PTPN14: variants seen among roughly 807,000 people sequenced by gnomAD.
PTPN14 encodes tyrosine-protein phosphatase non-receptor type 14.
In PTPN14, 53 loss-of-function variants were observed where a neutral mutation model predicts 126.8. The observed-to-expected ratio is 0.42, with a 90% CI of 0.34 to 0.53. The LOEUF is 0.53. Among genes scored for constraint, PTPN14 ranks in the 20% least tolerant of loss-of-function variants. The pLI is 0.08. For synonymous variants in PTPN14, 630 were observed against 599.3 expected (o/e 1.05, Z -0.75); for missense variants, 1,257 against 1,552.9 (o/e 0.81, Z 3.20).
chr1:214,404,566 T>C (rs963503303), intron 5 of PTPN14, among the ~76,000 whole-genome samples: 3 of 152,172 alleles, frequency 2.0e-5, no homozygotes, highest in Non-Finnish European at 2.9e-5. Context: ...AGTGTTCCAT[T>C]AAATCTCCGT....
At chr1:214,406,975 T>C (rs1553263305) in intron 5 of PTPN14, among the ~76,000 whole-genome samples, 1 of 152,138 alleles carries the variant, frequency 6.6e-6, no homozygotes, top group Non-Finnish European at 1.5e-5. Context: ...GACACAAACA[T>C]GTACACACTC....
chr1:214,419,038 T>C (rs909058397), intron 3 of PTPN14, among the ~76,000 whole-genome samples: 4 of 152,154 alleles, frequency 2.6e-5, no homozygotes, highest in African/African-American at 4.8e-5. Flanking sequence ...AAAAGTAAAA[T>C]GCAATTCATC....
intron 3 of PTPN14, among the ~76,000 whole-genome samples, chr1:214,427,725 G>A (rs989976445): frequency 8.5e-5 from 13 of 152,142 alleles, no homozygotes; most frequent in Non-Finnish European, 1.5e-4. Flanking sequence ...ACAGAGAGTA[G>A]CAAGGTAGGA....
intron 1 of PTPN14, among the ~76,000 whole-genome samples, chr1:214,478,997 C>A (rs1413368942): frequency 6.6e-6 from 1 of 150,584 alleles, no homozygotes; most frequent in Non-Finnish European, 1.5e-5. Flanking sequence ...ACAAAATGTA[C>A]AAAATAGTAC....
At chr1:214,379,758 T>C (rs1286796125) in intron 13 of PTPN14, among the ~76,000 whole-genome samples, 2 of 152,246 alleles carry the variant, frequency 1.3e-5, no homozygotes, top group African/African-American at 2.4e-5. Context: ...GCCCCCTCCC[T>C]ACTTCAAGTC....
intron 1 of PTPN14, among the ~76,000 whole-genome samples, chr1:214,472,848 C>A (rs1660790113): frequency 6.6e-6 from 1 of 152,208 alleles, no homozygotes; most frequent in Non-Finnish European, 1.5e-5. Flanking sequence ...ACAGAGATTG[C>A]AGATCCAGAC....
rs144821853 is a variant in PTPN14 at position 214,391,089 on chromosome 1, T to C, written c.930-44A>G. The C allele has an allele frequency of 1.1e-3, 1,509 of 1,432,746 alleles. 11 individuals are homozygous for C. The African/African-American group carries it at 0.019, about 18-fold the overall frequency. 88.8% of individuals were successfully genotyped at this position (1,432,746 alleles called of 1,614,324 possible). A position where few individuals can be genotyped will look rare whatever the true frequency, so the allele number is the denominator to read the frequency against. Reference sequence around the variant, plus strand: ...AAATGAGAATGGTTATTATTATTGATATAAAAAGACCAGATAGACAAGGGA... The same window carrying C: ...AAATGAGAATGGTTATTATTATTGACATAAAAAGACCAGATAGACAAGGGA... On this transcript the variant is annotated intron_variant, in intron 10 of 18. Coordinates refer to ENST00000366956, the MANE Select transcript of PTPN14 (RefSeq NM_005401.5).
intron 1 of PTPN14, among the ~76,000 whole-genome samples, chr1:214,494,664 G>C (rs1389805551): frequency 6.6e-6 from 1 of 152,096 alleles, no homozygotes; most frequent in Non-Finnish European, 1.5e-5. Flanking sequence ...TCATATAAAT[G>C]AAGCTTTACA....
At chr1:214,485,517 A>T (rs1248975888) in intron 1 of PTPN14, among the ~76,000 whole-genome samples, 1 of 152,174 alleles carries the variant, frequency 6.6e-6, no homozygotes, top group African/African-American at 2.4e-5. Context: ...CTGAGAACAG[A>T]TGAATATGGA....
rs1469940377 is a variant in PTPN14, at chr1:214,364,058, C to A, written c.3435+454G>T. Among the ~76,000 whole-genome samples the A allele has an allele frequency of 6.6e-6, 1 of 152,214 alleles. No homozygotes were observed. Among genetic ancestry groups the A allele is most frequent in the East Asian group, 1.9e-4 (1 of 5,184 alleles). ...CTAGACAAGCAAACAACCCCTCAAA[C>A]CTCACTCTGAAGAATGAAAAACATT... is the stretch of plus-strand genomic sequence containing the variant. On this transcript the variant is annotated intron_variant, in intron 18 of 18. Transcript: ENST00000366956. The surrounding 1 kb of genome is among the most constrained non-coding windows in gnomAD (Gnocchi z 4.1).
At chr1:214,484,468 T>G (rs1661069368) in intron 1 of PTPN14, among the ~76,000 whole-genome samples, 1 of 152,172 alleles carries the variant, frequency 6.6e-6, no homozygotes, top group Non-Finnish European at 1.5e-5. Context: ...ATGGCTGAGT[T>G]AAAGTGGTAA....
chr1:214,533,709 C>T (rs1571653224), intron 1 of PTPN14, among the ~76,000 whole-genome samples: 1 of 151,570 alleles, frequency 6.6e-6, no homozygotes, highest in South Asian at 2.1e-4. Context: ...TGGTGGCGGG[C>T]GCCTGTAGTC....
chr1:214,367,750 T>G (rs1022623343), intron 17 of PTPN14, among the ~76,000 whole-genome samples: 4 of 152,134 alleles, frequency 2.6e-5, no homozygotes, highest in Non-Finnish European at 5.9e-5. Flanking sequence ...GAGGGAGAGC[T>G]GCAGCCACCG....
chr1:214,465,096 C>T, intron 1 of PTPN14, 139 bp from the exon 2 acceptor site: 1 of 400,142 alleles, frequency 2.5e-6, no homozygotes, highest in Non-Finnish European at 4.6e-6. Context: ...GCTGCAAGTT[C>T]TGGAGTTCCT....
chr1:214,442,479 T>A (rs778550204), intron 3 of PTPN14, among the ~76,000 whole-genome samples: 13 of 152,182 alleles, frequency 8.5e-5, no homozygotes, highest in Non-Finnish European at 1.5e-4. Flanking sequence ...AGCATCTCAA[T>A]CAAACATCTC....
chr1:214,390,571 C>T (rs975900193), intron 11 of PTPN14, among the ~76,000 whole-genome samples: 2 of 152,138 alleles, frequency 1.3e-5, no homozygotes, highest in African/African-American at 2.4e-5. Flanking sequence ...AATTTTTGCT[C>T]ATTTAGAAGG....
chr1:214,391,796 T>C (rs963105771), intron 10 of PTPN14, among the ~76,000 whole-genome samples: 4 of 152,112 alleles, frequency 2.6e-5, no homozygotes, highest in Admixed American at 6.5e-5. Context: ...GATTTCATCC[T>C]TCCTAATTTT....
intron 1 of PTPN14, among the ~76,000 whole-genome samples, chr1:214,474,901 C>T (rs1660834716): frequency 6.6e-6 from 1 of 152,184 alleles, no homozygotes; most frequent in East Asian, 1.9e-4. Context: ...TTAGAACATG[C>T]AGGTTTTCAT....
chr1:214,543,041 C>T (rs573868607), intron 1 of PTPN14, among the ~76,000 whole-genome samples: 46 of 152,268 alleles, frequency 3.0e-4, no homozygotes, highest in Admixed American at 1.2e-3. Flanking sequence ...CTTGGATATG[C>T]GTGAGCTGGC....
Sources: allele counts gnomAD v4.1 joint callset (sites outside exome capture counted in the v4.1 genomes callset), GRCh38; gene constraint gnomAD v4.1.1; non-coding constraint Gnocchi (gnomAD v3.1); transcripts MANE v1.5; gene names NCBI Gene and HGNC (gene_info 2026-07-23, HGNC 2026-07-21).